Variants in USP26 observed in about 807,000 individuals in gnomAD.
The protein encoded by USP26 is ubiquitin specific peptidase 26.
For synonymous variants in USP26, 236 were observed against 240.6 expected, an observed-to-expected ratio of 0.98 and a Z score of 0.18; for missense variants, 649 against 642.3, an observed-to-expected ratio of 1.01 and a Z score of -0.11.
At chrX:133,060,868 C>T (rs936083150) in intron 5 of USP26, among the ~76,000 whole-genome samples, 2 of 111,094 alleles carry the variant, frequency 1.8e-5, no homozygotes, top group Non-Finnish European at 3.8e-5. Flanking sequence ...AAAAAAAATC[C>T]CAAAAAGTTT....
chrX:133,056,567 T>C (rs1341185157), intron 5 of USP26, among the ~76,000 whole-genome samples: 3 of 111,654 alleles, frequency 2.7e-5, no homozygotes, highest in African/African-American at 9.8e-5. Context: ...AATCATAAGG[T>C]ATACCTCAGG....
rs1303905196 is a variant in USP26, at chrX:133,026,434, T to C, written c.1787A>G (p.Asp596Gly). ...TGATCCAATGTGTGGAGCCAGGATA[T>C]CTTTGGATTCCTTTGTTGCAGGCCA... ...VSWPATKESK[D>G]ILAPHIGSDK... Residue 596 changes from aspartate to glycine, a missense_variant, in exon 6 of 6, where the codon GAT becomes GGT. Coordinates refer to ENST00000511190, the MANE Select transcript of USP26 (RefSeq NM_031907.3). 3 of 1,204,243 alleles carry C rather than the reference T, an allele frequency of 2.5e-6. No homozygotes were observed. The highest frequency in any genetic ancestry group is 2.2e-6 in the Non-Finnish European group (2 of 893,869).
Position 133,026,252 on chromosome X carries a change from A to C in USP26, c.1969T>G (p.Leu657Val). The change falls in exon 6 of 6, where the codon TTA becomes GTA. Residue 657 changes from leucine to valine, a missense_variant. Physicochemically the swap from Leu to Val is conservative, Grantham distance 32 (BLOSUM62 1). Coordinates refer to ENST00000511190, the MANE Select transcript of USP26 (RefSeq NM_031907.3). ...AFIEKEPLAH[L>V]MTYLEDTSLC... ...GAGGTATCTTCCAGATACGTCATTA[A>C]GTGAGCTAACGGTTCTTTTTCAATG... The C allele has an allele frequency of 8.3e-7, 1 of 1,209,800 alleles. No homozygotes were observed. Among genetic ancestry groups the C allele is most frequent in the Non-Finnish European group, 1.1e-6 (1 of 895,068 alleles).
chrX:133,034,768 C>T (rs758000216), intron 5 of USP26, among the ~76,000 whole-genome samples: 65 of 110,380 alleles, frequency 5.9e-4, no homozygotes, highest in Non-Finnish European at 1.0e-3. Context: ...TTTGGGAGAC[C>T]GAGGTGGGAG....
chrX:133,084,369 T>A (rs986128924), intron 4 of USP26, among the ~76,000 whole-genome samples: 2 of 110,763 alleles, frequency 1.8e-5, no homozygotes, highest in African/African-American at 3.3e-5. Flanking sequence ...GCTAATTTTT[T>A]AAAATTTTTT....
intron 5 of USP26, among the ~76,000 whole-genome samples, chrX:133,036,916 C>T (rs1378833020): frequency 8.9e-6 from 1 of 112,699 alleles, no homozygotes; most frequent in African/African-American, 3.2e-5. Context: ...ATTTGCATTT[C>T]TCTAATGACC....
In USP26 at chrX:133,090,743, A is replaced by G. The variant is rs17315113; in HGVS notation, c.-281T>C. 627 of 112,403 alleles carry G rather than the reference A, an allele frequency of 5.6e-3. 4 individuals carry two copies. Among genetic ancestry groups the G allele is most frequent in the East Asian group, 0.045 (159 of 3,553 alleles). The allele number at this position is 112,403 out of a possible 1,213,427, so 9.3% of individuals were successfully genotyped here. A position where few individuals can be genotyped will look rare whatever the true frequency, so the allele number is the denominator to read the frequency against. ...CAATCAACCCTTGTGGTTGGCTGCT[A>G]TATAGAACAGAGACTATGACCTGGA... On this transcript the variant is annotated 5_prime_UTR_variant, in exon 3 of 6. Coordinates refer to ENST00000511190, the MANE Select transcript of USP26 (RefSeq NM_031907.3).
chrX:133,024,528 T>C lies in USP26; in HGVS notation c.*951A>G, dbSNP rs994751374. 1.8e-5 allele frequency: 2 copies of C among 111,890 alleles called. No individual in the cohort carries two copies. Among genetic ancestry groups the C allele is most frequent in the African/African-American group, 6.5e-5 (2 of 30,831 alleles). 9.2% of individuals were successfully genotyped at this position (111,890 alleles called of 1,213,427 possible). On this transcript the variant is annotated 3_prime_UTR_variant, in exon 6 of 6. Transcript: ENST00000511190. ...AGATTTGACTTGGCGTTTAGCCTCA[T>C]CTATATATGCCCAAGAGGATTCAAA...
intron 1 of USP26, among the ~76,000 whole-genome samples, chrX:133,094,306 G>A (rs1434475150): frequency 9.0e-6 from 1 of 111,075 alleles, no homozygotes; most frequent in Non-Finnish European, 1.9e-5. Context: ...ATGCCAGCCA[G>A]GAAGCGAGCA....
chrX:133,044,779 A>G (rs2067432857), intron 5 of USP26, among the ~76,000 whole-genome samples: 1 of 113,387 alleles, frequency 8.8e-6, no homozygotes, highest in Admixed American at 9.2e-5. Flanking sequence ...AAGGTGCAGG[A>G]CTGGCAGGCA....
chrX:133,068,012 C>G (rs1232597832), intron 5 of USP26, among the ~76,000 whole-genome samples: 1 of 111,833 alleles, frequency 8.9e-6, no homozygotes, highest in African/African-American at 3.2e-5. Context: ...TTGTTATTAT[C>G]AATGGTGGGC....
intron 5 of USP26, among the ~76,000 whole-genome samples, chrX:133,031,968 G>A (rs776110220): frequency 1.4e-4 from 15 of 110,993 alleles, no homozygotes; most frequent in South Asian, 3.9e-4. Flanking sequence ...TCAACATGGC[G>A]AAATCCTGTC....
intron 4 of USP26, among the ~76,000 whole-genome samples, chrX:133,089,630 G>A (rs1306499553): frequency 8.9e-6 from 1 of 112,069 alleles, no homozygotes; most frequent in Non-Finnish European, 1.9e-5. Flanking sequence ...TGGGAGAGGT[G>A]CTAAACCAAG....
chrX:133,056,934 C>G (rs111731764), intron 5 of USP26, among the ~76,000 whole-genome samples: 3,862 of 111,382 alleles, frequency 0.035, 98 homozygotes, highest in East Asian at 0.1. Flanking sequence ...TTCTACTATC[C>G]CTTGCAGCCA....
chrX:133,064,560 G>T (rs769170702), intron 5 of USP26, among the ~76,000 whole-genome samples: 1 of 111,913 alleles, frequency 8.9e-6, no homozygotes, highest in East Asian at 2.8e-4. Flanking sequence ...TAGAACTCAG[G>T]ATTAAGAAAC....
chrX:133,050,284 G>A (rs112856020), intron 5 of USP26, among the ~76,000 whole-genome samples: 3,797 of 111,964 alleles, frequency 0.034, 98 homozygotes, highest in East Asian at 0.097. Flanking sequence ...AAAGCTTTCT[G>A]AAGGGTGAGC....
At chrX:133,052,145 T>C (rs2067461202) in intron 5 of USP26, among the ~76,000 whole-genome samples, 1 of 112,239 alleles carries the variant, frequency 8.9e-6, no homozygotes, top group Non-Finnish European at 1.9e-5. Context: ...GCAATAGCAG[T>C]TAATATCCTT....
chrX:133,048,670 C>T (rs2067448377), intron 5 of USP26, among the ~76,000 whole-genome samples: 2 of 110,868 alleles, frequency 1.8e-5, no homozygotes, highest in South Asian at 3.9e-4. Context: ...CCTCAGCCTC[C>T]GGAGTAGCTG....
intron 1 of USP26, among the ~76,000 whole-genome samples, chrX:133,091,983 A>G (rs1393445966): frequency 2.7e-5 from 3 of 112,181 alleles, no homozygotes; most frequent in Non-Finnish European, 5.6e-5. Flanking sequence ...GCACCACTGC[A>G]GGAAAATTAC....
Sources: gnomAD v4.1 joint callset for allele counts (sites outside exome capture counted in the v4.1 genomes callset) on GRCh38, gnomAD v4.1.1 for gene constraint, MANE v1.5 for transcripts, NCBI Gene and HGNC (gene_info 2026-07-23, HGNC 2026-07-21) for gene names.